C3orf33: variants seen among roughly 807,000 people sequenced by gnomAD.
C3orf33 encodes AP-1 activity suppressor.
Under a neutral mutation model 28.7 loss-of-function variants are expected in C3orf33, and 23 were observed. The observed-to-expected ratio is 0.80, with a 90% CI of 0.58 to 1.13. The LOEUF is 1.13. Ranked by LOEUF, C3orf33 falls within the 50% of genes most tolerant of loss-of-function variation. C3orf33 has a pLI of 0.00. For missense variants in C3orf33, 327 were observed against 353.4 expected (o/e 0.93, Z 0.60); for synonymous variants, 119 against 120.5 (o/e 0.99, Z 0.08).
chr3:155,763,944 A>G (rs1458541104), intron 4 of C3orf33, 26 bp from the exon 5 acceptor site: 1 of 1,335,182 alleles, frequency 7.5e-7, no homozygotes, highest in Non-Finnish European at 9.7e-7. Context: ...AATACAAACC[A>G]ATTATTTAAG....
chr3:155,775,858 T>C lies in C3orf33; in HGVS notation c.175-10A>G, dbSNP rs770728318. The stretch of plus-strand genomic sequence containing the variant: ...TTGTAAATTTTGATGTCTATTGATT[T>C]ACAGGGAGAAAAATATAACCACTTA... On this transcript the variant is annotated splice_polypyrimidine_tract_variant and intron_variant, in intron 2 of 4. Transcript: ENST00000340171. 1 of 1,558,718 alleles carries C rather than the reference T, an allele frequency of 6.4e-7. No homozygotes were observed. Among genetic ancestry groups the C allele is most frequent in the Non-Finnish European group, 8.8e-7 (1 of 1,141,668 alleles).
rs184086606 is a variant in C3orf33 at position 155,798,925 on chromosome 3, A to G, written c.174+3607T>C. Reference sequence around the variant, plus strand: ...TAAAGAGCTCAAGCAACTCTACAGGAAAAAAAATCTAACGATCTCATTTAA... The same window carrying G: ...TAAAGAGCTCAAGCAACTCTACAGGGAAAAAAATCTAACGATCTCATTTAA... On this transcript the variant is annotated intron_variant, in intron 2 of 4. Coordinates refer to ENST00000340171, the MANE Select transcript of C3orf33 (RefSeq NM_001308229.2). Among the ~76,000 whole-genome samples the G allele has an allele frequency of 3.7e-3, 520 of 141,286 alleles. 3 individuals carry two copies. The highest frequency in any genetic ancestry group is 0.014 in the African/African-American group (481 of 35,506). The allele number at this position is 141,286 out of a possible 152,430, so 92.7% of individuals were successfully genotyped here.
At position 155,802,518 on chromosome 3, in the gene C3orf33, A is replaced by AT; in HGVS notation, c.174+13dup. 1 of 1,598,328 alleles carries AT rather than the reference A, an allele frequency of 6.3e-7. No homozygotes were observed. The highest frequency in any genetic ancestry group is 8.5e-7 in the Non-Finnish European group (1 of 1,171,746). On this transcript the variant is annotated intron_variant, in intron 2 of 4. Coordinates refer to ENST00000340171, the MANE Select transcript of C3orf33 (RefSeq NM_001308229.2). ...TACGGCTTGTTGTAATGTCTTTTTC[A>AT]TTTTTTAACTTACCAGTCGAATGCT...
chr3:155,774,178 T>A (rs1750669510), intron 3 of C3orf33, among the ~76,000 whole-genome samples: 1 of 152,198 alleles, frequency 6.6e-6, no homozygotes, highest in South Asian at 2.1e-4. Flanking sequence ...TTCTAGGGAC[T>A]TTGAATACCA....
At chr3:155,770,993 T>TG (rs1553770156) in intron 3 of C3orf33, among the ~76,000 whole-genome samples, 56 of 140,128 alleles carry the variant, frequency 4.0e-4, no homozygotes, top group South Asian at 7.3e-4. Flanking sequence ...TGTGTGTGTG[T>TG]TGAGACATAG....
intron 3 of C3orf33, among the ~76,000 whole-genome samples, chr3:155,771,479 A>C (rs1417545394): frequency 6.6e-6 from 1 of 151,820 alleles, no homozygotes; most frequent in Non-Finnish European, 1.5e-5. Context: ...ACAGGGTTTC[A>C]CCATGTAGGC....
At chr3:155,782,908 G>A (rs1247466599) in intron 2 of C3orf33, among the ~76,000 whole-genome samples, 1 of 152,144 alleles carries the variant, frequency 6.6e-6, no homozygotes, top group Non-Finnish European at 1.5e-5. Flanking sequence ...TAATTTAAGA[G>A]ACTACAGGTT....
intron 2 of C3orf33, among the ~76,000 whole-genome samples, chr3:155,784,793 AAC>A (rs1418563854): frequency 7.3e-5 from 11 of 151,520 alleles, no homozygotes; most frequent in Admixed American, 3.3e-4. Context: ...AAAATACAAA[AAC>A]ACAGTAATGC....
At chr3:155,772,891 G>GAAAT (rs904945490) in intron 3 of C3orf33, among the ~76,000 whole-genome samples, 4 of 151,740 alleles carry the variant, frequency 2.6e-5, no homozygotes, top group African/African-American at 7.3e-5. Context: ...AGGAGTCTTA[G>GAAAT]AAATCATAAC....
intron 3 of C3orf33, among the ~76,000 whole-genome samples, chr3:155,775,488 CAA>C (rs34514421): frequency 1.4e-4 from 17 of 122,246 alleles, no homozygotes; most frequent in Admixed American, 1.6e-4. Flanking sequence ...AACTCTGTCT[CAA>C]AAAAAAAAAA....
At chr3:155,799,589 T>A (rs1002995544) in intron 2 of C3orf33, among the ~76,000 whole-genome samples, 1 of 152,002 alleles carries the variant, frequency 6.6e-6, no homozygotes, top group African/African-American at 2.4e-5. Flanking sequence ...CTCAGGAGGC[T>A]GACATGAGAG....
intron 3 of C3orf33, among the ~76,000 whole-genome samples, chr3:155,775,484 G>A (rs1750712919): frequency 1.5e-5 from 2 of 132,188 alleles, no homozygotes; most frequent in African/African-American, 2.9e-5. Context: ...GTGAAACTCT[G>A]TCTCAAAAAA....
chr3:155,771,456 A>AT (rs1030012695), intron 3 of C3orf33, among the ~76,000 whole-genome samples: 6 of 151,918 alleles, frequency 3.9e-5, no homozygotes, highest in Non-Finnish European at 7.4e-5. Flanking sequence ...TAATCTTTGT[A>AT]TTTTTTGTAG....
intron 2 of C3orf33, among the ~76,000 whole-genome samples, chr3:155,801,110 C>T (rs1331413709): frequency 3.3e-5 from 5 of 151,984 alleles, no homozygotes; most frequent in African/African-American, 1.2e-4. Context: ...GTCAAGAGTT[C>T]GAGACCAGCC....
intron 1 of C3orf33, among the ~76,000 whole-genome samples, chr3:155,802,831 ATATATATT>A (rs1215581490): frequency 6.6e-5 from 10 of 152,220 alleles, no homozygotes; most frequent in African/African-American, 2.4e-4. Context: ...AGACATTTAT[ATATATATT>A]TAAACATATA....
chr3:155,788,244 C>T (rs1751198858), intron 2 of C3orf33, among the ~76,000 whole-genome samples: 1 of 139,850 alleles, frequency 7.2e-6, no homozygotes, highest in Non-Finnish European at 1.6e-5. Context: ...TAATACACTG[C>T]ATTAATAGAA....
Position 155,763,121 on chromosome 3 carries a change from C to T in C3orf33, c.*396G>A, listed in dbSNP as rs2109246008. On this transcript the variant is annotated 3_prime_UTR_variant, in exon 5 of 5. Transcript: ENST00000340171. The stretch of plus-strand genomic sequence containing the variant: ...GAGGTTGCAGTGAGCCAAGATCACG[C>T]CATTGCACTCCAGCCTGGGCAACAA... The T allele has an allele frequency of 6.5e-6, 1 of 154,512 alleles. No individual in the cohort carries two copies. Among genetic ancestry groups the T allele is most frequent in the African/African-American group, 2.4e-5 (1 of 41,614 alleles). The allele number at this position is 154,512 out of a possible 1,614,324, so 9.6% of individuals were successfully genotyped here.
chr3:155,775,900 A>C, intron 2 of C3orf33, 52 bp from the exon 3 acceptor site: 2 of 1,303,328 alleles, frequency 1.5e-6, no homozygotes, highest in South Asian at 1.4e-5. Flanking sequence ...TTGTCATCTC[A>C]AAATTTAAAA....
chr3:155,767,593 T>C lies in C3orf33; in HGVS notation c.399A>G (p.Lys133=). The change falls in exon 4 of 5, where the codon AAA becomes AAG. Residue 133 remains lysine, a synonymous_variant. Coordinates refer to ENST00000340171, the MANE Select transcript of C3orf33 (RefSeq NM_001308229.2). ...LAETGKAWLQ[K]ELKPSQLLWF... The stretch of plus-strand genomic sequence containing the variant: ...ATAGTAATTGGGAAGGTTTTAGCTC[T>C]TTTTGTAACCATGCCTTCCCAGTTT... The C allele has an allele frequency of 6.3e-7, 1 of 1,597,816 alleles. No individual in the cohort carries two copies. Among genetic ancestry groups the C allele is most frequent in the African/African-American group, 1.3e-5 (1 of 74,832 alleles).
Sources: gnomAD v4.1 joint callset for allele counts (sites outside exome capture counted in the v4.1 genomes callset) on GRCh38, gnomAD v4.1.1 for gene constraint, MANE v1.5 for transcripts, NCBI Gene and HGNC (gene_info 2026-07-23, HGNC 2026-07-21) for gene names.